LMNTD1: variants seen among roughly 807,000 people sequenced by gnomAD.
LMNTD1 encodes lamin tail domain-containing protein 1.
Under a neutral mutation model 50.9 loss-of-function variants are expected in LMNTD1, and 35 were observed. The ratio of observed to expected loss-of-function variants is 0.69; its 90% CI spans 0.53 to 0.91. LMNTD1 has a LOEUF of 0.91. LMNTD1 is among the 40% of genes least tolerant of loss of function. The pLI, the probability that LMNTD1 is intolerant of heterozygous loss-of-function variation, is 0.00. For missense variants in LMNTD1, 470 were observed against 475.5 expected (o/e 0.99, Z 0.11); for synonymous variants, 153 against 161.9 (o/e 0.94, Z 0.42).
At position 25,477,973 on chromosome 12, in the gene LMNTD1, G is replaced by A. The variant is rs1054643876; in HGVS notation, c.*23-1513C>T. Among the ~76,000 whole-genome samples the A allele has an allele frequency of 8.4e-4, 128 of 152,076 alleles. 1 individual carries two copies. The highest frequency in any genetic ancestry group is 7.5e-3 in the Admixed American group (115 of 15,264). On this transcript the variant is annotated intron_variant, in intron 9 of 9. Coordinates refer to ENST00000458174, the MANE Select transcript of LMNTD1 (RefSeq NM_001145728.2). ...TATTTGAGGGCAGGAAGCATCCAGC[G>A]CAGGATAAAGATGTAGGCTGGAAGG...
At chr12:25,601,749 C>T (rs1427729830) in intron 1 of LMNTD1, among the ~76,000 whole-genome samples, 1 of 151,804 alleles carries the variant, frequency 6.6e-6, no homozygotes, top group Non-Finnish European at 1.5e-5. Flanking sequence ...ACAATTGCTG[C>T]AAAATAAGTT....
At chr12:25,477,021 C>A (rs36112053) in intron 9 of LMNTD1, among the ~76,000 whole-genome samples, 5 of 152,198 alleles carry the variant, frequency 3.3e-5, no homozygotes, top group South Asian at 2.1e-4. Flanking sequence ...CCCATATTCC[C>A]TCTGTGCCCA....
chr12:25,539,764 T>C (rs9795932), intron 4 of LMNTD1, among the ~76,000 whole-genome samples: 55,825 of 95,690 alleles, frequency 0.58, 17,121 homozygotes, highest in Non-Finnish European at 0.65. Flanking sequence ...AAAAACCCTT[T>C]AAAAAATTAA....
chr12:25,485,662 C>A, intron 9 of LMNTD1, among the ~76,000 whole-genome samples: 1 of 93,672 alleles, frequency 1.1e-5, no homozygotes, highest in African/African-American at 4.3e-5. Flanking sequence ...ATCTTTAATC[C>A]ATCTTGAATT....
At chr12:25,619,468 T>G (rs1946427895) in intron 1 of LMNTD1, among the ~76,000 whole-genome samples, 2 of 152,186 alleles carry the variant, frequency 1.3e-5, no homozygotes, top group African/African-American at 4.8e-5. Context: ...CAAACTTCAA[T>G]TTCTAAGTTT....
chr12:25,594,716 T>G (rs1435828009), intron 1 of LMNTD1, among the ~76,000 whole-genome samples: 1 of 139,228 alleles, frequency 7.2e-6, no homozygotes, highest in East Asian at 2.1e-4. Context: ...GTGAATGGAA[T>G]GGCACCTCAC....
chr12:25,507,759 G>A (rs1939923313), intron 8 of LMNTD1, among the ~76,000 whole-genome samples: 1 of 152,188 alleles, frequency 6.6e-6, no homozygotes, highest in Non-Finnish European at 1.5e-5. Context: ...TCTTATTATT[G>A]ATGGCCATGT....
chr12:25,535,919 T>A (rs1264968616), intron 4 of LMNTD1, among the ~76,000 whole-genome samples: 6 of 152,060 alleles, frequency 3.9e-5, no homozygotes, highest in Non-Finnish European at 5.9e-5. Flanking sequence ...AAAAGAAAGC[T>A]CCTGTGGCTA....
At chr12:25,628,682 T>C (rs1459157206) in intron 1 of LMNTD1, among the ~76,000 whole-genome samples, 1 of 152,162 alleles carries the variant, frequency 6.6e-6, no homozygotes, top group Admixed American at 6.5e-5. Context: ...GAGAAGGCCA[T>C]GCGACAATGA....
At chr12:25,521,096 G>C (rs75624985) in intron 6 of LMNTD1, among the ~76,000 whole-genome samples, 3,075 of 152,120 alleles carry the variant, frequency 0.02, 80 homozygotes, top group African/African-American at 0.058. Context: ...GTTCCTCATA[G>C]ATTTTGAGTA....
chr12:25,527,719 CAT>C (rs1234544646), intron 4 of LMNTD1, among the ~76,000 whole-genome samples: 39 of 123,666 alleles, frequency 3.2e-4, no homozygotes, highest in African/African-American at 8.3e-4. Context: ...CACACACACA[CAT>C]ATACACACAT....
chr12:25,618,157 G>A (rs1946387004), intron 1 of LMNTD1, among the ~76,000 whole-genome samples: 1 of 152,124 alleles, frequency 6.6e-6, no homozygotes, highest in African/African-American at 2.4e-5. Flanking sequence ...CTCTGTGGTT[G>A]TATGTGTGTC....
At chr12:25,591,522 A>G (rs2136473589) in intron 1 of LMNTD1, among the ~76,000 whole-genome samples, 1 of 152,222 alleles carries the variant, frequency 6.6e-6, no homozygotes, top group African/African-American at 2.4e-5. Context: ...GACTTCTAAG[A>G]TTTTTGATTC....
chr12:25,499,940 G>C (rs552114813), intron 9 of LMNTD1: 1 of 152,316 alleles, frequency 6.6e-6, no homozygotes, highest in Admixed American at 6.5e-5. Flanking sequence ...AGGGAGCCTA[G>C]ATTGCAGGTC....
At chr12:25,497,021 T>C (rs565758085) in intron 9 of LMNTD1, among the ~76,000 whole-genome samples, 1 of 152,126 alleles carries the variant, frequency 6.6e-6, no homozygotes, top group South Asian at 2.1e-4. Flanking sequence ...ATCCACGTTG[T>C]AGCATGTATT....
chr12:25,618,977 C>G (rs1946404659), intron 1 of LMNTD1, among the ~76,000 whole-genome samples: 1 of 152,040 alleles, frequency 6.6e-6, no homozygotes, highest in Non-Finnish European at 1.5e-5. Flanking sequence ...AAATAGGAAA[C>G]AGGTTTGGTG....
At chr12:25,530,416 C>T (rs79074196) in intron 4 of LMNTD1, among the ~76,000 whole-genome samples, 2 of 152,144 alleles carry the variant, frequency 1.3e-5, no homozygotes, top group Admixed American at 1.3e-4. Flanking sequence ...TTCTTTTAAA[C>T]GTTTCAATAA....
intron 1 of LMNTD1, among the ~76,000 whole-genome samples, chr12:25,617,959 C>T (rs1207395077): frequency 1.3e-5 from 2 of 152,144 alleles, no homozygotes; most frequent in South Asian, 2.1e-4. Context: ...AGGTAGGTGT[C>T]GTTGTTGTCC....
At chr12:25,488,628 C>A (rs1248122762) in intron 9 of LMNTD1, among the ~76,000 whole-genome samples, 2 of 151,678 alleles carry the variant, frequency 1.3e-5, no homozygotes, top group African/African-American at 4.8e-5. Flanking sequence ...CTTCTTCTCT[C>A]AGCTCGTCAA....
Sources: allele counts gnomAD v4.1 joint callset (sites outside exome capture counted in the v4.1 genomes callset), GRCh38; gene constraint gnomAD v4.1.1; transcripts MANE v1.5; gene names NCBI Gene and HGNC (gene_info 2026-07-23, HGNC 2026-07-21).